The following CELF2 variants were observed in gnomAD, a reference collection of about 807,000 sequenced individuals.
CELF2 encodes the protein CUGBP Elav-like family member 2, also known as CUG triplet repeat RNA-binding protein 2.
Under a neutral mutation model 62.6 loss-of-function variants are expected in CELF2, and 8 were observed. The ratio of observed to expected loss-of-function variants is 0.13; its 90% CI spans 0.07 to 0.23. CELF2 has a LOEUF of 0.23. Among genes scored for constraint, CELF2 ranks in the 10% least tolerant of loss-of-function variants. CELF2 has a pLI of 1.00. For synonymous variants in CELF2, 258 were observed against 250.0 expected (o/e 1.03, Z -0.30); for missense variants, 333 against 671.0 (o/e 0.50, Z 5.56).
At position 11,329,514 on chromosome 10, in the gene CELF2, G is replaced by T. The variant is rs536006422; in HGVS notation, c.*461G>T. ...CCCTCCTTGCCCGGCGCCCGCCCCC[G>T]GAGGGAGGGCCCGGTGCTTAGAGGT... is the stretch of plus-strand genomic sequence containing the variant. On this transcript the variant is annotated 3_prime_UTR_variant, in exon 13 of 13. Transcript: ENST00000633077. This position sits in a 1 kb window ranked among gnomAD's most constrained non-coding sequence, Gnocchi z 5.5. 6.5e-6 allele frequency: 1 copy of T among 152,808 alleles called. No individual in the cohort carries two copies. Among genetic ancestry groups the T allele is most frequent in the Admixed American group, 6.5e-5 (1 of 15,294 alleles). 9.5% of individuals were successfully genotyped at this position (152,808 alleles called of 1,614,324 possible). A position where few individuals can be genotyped will look rare whatever the true frequency, so the allele number is the denominator to read the frequency against.
At chr10:10,553,294 C>T in the CELF2 span, among the ~76,000 whole-genome samples, 1 of 152,086 alleles carries the variant, frequency 6.6e-6, no homozygotes, top group Admixed American at 6.5e-5. Flanking sequence ...GCCACCAAGT[C>T]CCTCCCATGA....
chr10:10,629,987 C>T, the CELF2 span, among the ~76,000 whole-genome samples: 1 of 151,604 alleles, frequency 6.6e-6, no homozygotes, highest in Non-Finnish European at 1.5e-5. Context: ...ATTTGTACCT[C>T]CTATTATTCT....
chr10:11,071,045 A>G (rs1260690987), intron 1 of CELF2, among the ~76,000 whole-genome samples: 2 of 152,228 alleles, frequency 1.3e-5, no homozygotes, highest in Non-Finnish European at 2.9e-5. Flanking sequence ...AGACACAGTA[A>G]TATCAAATGG....
chr10:10,607,908 C>T, the CELF2 span, among the ~76,000 whole-genome samples: 1 of 151,764 alleles, frequency 6.6e-6, no homozygotes, highest in Non-Finnish European at 1.5e-5. Context: ...AGGTGGATCA[C>T]CTGAGGTCAG....
chr10:11,295,030 C>T (rs1457794038), intron 9 of CELF2, among the ~76,000 whole-genome samples: 4 of 152,208 alleles, frequency 2.6e-5, no homozygotes, highest in Admixed American at 6.5e-5. Flanking sequence ...ACTGACCTCC[C>T]GGTCTTTGCT....
chr10:10,471,279 C>T, the CELF2 span, among the ~76,000 whole-genome samples: 4 of 151,478 alleles, frequency 2.6e-5, no homozygotes, highest in Non-Finnish European at 5.9e-5. Flanking sequence ...CATTTTCCTA[C>T]TGTTTGTTTT....
intron 2 of CELF2, among the ~76,000 whole-genome samples, chr10:11,169,553 C>A (rs1004934571): frequency 1.1e-5 from 1 of 87,128 alleles, no homozygotes; most frequent in Non-Finnish European, 2.2e-5. Context: ...ATGGGAAATA[C>A]GTGACATGAA....
chr10:11,052,334 A>G (rs1029712227), intron 1 of CELF2, among the ~76,000 whole-genome samples: 3 of 152,140 alleles, frequency 2.0e-5, no homozygotes, highest in Non-Finnish European at 4.4e-5. Context: ...TTTCAAAGAC[A>G]TTGCCAAAGT....
At chr10:10,679,680 C>A in the CELF2 span, among the ~76,000 whole-genome samples, 10 of 152,172 alleles carry the variant, frequency 6.6e-5, no homozygotes, top group Admixed American at 6.5e-4. Context: ...ATATATCCAT[C>A]TAGTTTCCAC....
chr10:11,032,148 A>AAAAAAAAAAAAAAC (rs2060223858), intron 1 of CELF2, among the ~76,000 whole-genome samples: 1 of 67,266 alleles, frequency 1.5e-5, no homozygotes, highest in African/African-American at 7.3e-5. Context: ...GGCTTAGCCA[A>AAAAAAAAAAAAAAC]AAAAAAAAAA....
At chr10:10,870,397 G>A (rs2060663189) in intron 1 of CELF2, among the ~76,000 whole-genome samples, 1 of 151,906 alleles carries the variant, frequency 6.6e-6, no homozygotes, top group Non-Finnish European at 1.5e-5. Context: ...TTTTTTCCAT[G>A]TTGAAACAAT....
At chr10:10,637,344 G>T in the CELF2 span, among the ~76,000 whole-genome samples, 3 of 152,102 alleles carry the variant, frequency 2.0e-5, no homozygotes, top group African/African-American at 7.2e-5. Context: ...ATTAGAACTA[G>T]AACCTCCATC....
At chr10:11,188,454 T>C (rs1158270788) in intron 2 of CELF2, among the ~76,000 whole-genome samples, 2 of 152,206 alleles carry the variant, frequency 1.3e-5, no homozygotes, top group East Asian at 3.9e-4. Context: ...AGGATTTTCC[T>C]TTTCTTTCAG....
upstream of CELF2, chr10:10,794,794 A>G (rs1238974957): frequency 6.6e-6 from 1 of 152,074 alleles, no homozygotes; most frequent in East Asian, 1.9e-4. Context: ...ACGGATTTTC[A>G]CCTTTGGTGC....
chr10:11,138,694 G>A (rs1231319172), intron 1 of CELF2, among the ~76,000 whole-genome samples: 1 of 152,188 alleles, frequency 6.6e-6, no homozygotes, highest in African/African-American at 2.4e-5. Context: ...TTCAAATCTT[G>A]TTTTCTTTAA....
At chr10:10,572,539 G>A in the CELF2 span, among the ~76,000 whole-genome samples, 1 of 150,782 alleles carries the variant, frequency 6.6e-6, no homozygotes, top group East Asian at 2.0e-4. Flanking sequence ...CCCAATGTGT[G>A]TTGTTCCACT....
chr10:10,941,403 C>T (rs1022439613), intron 2 of CELF2, among the ~76,000 whole-genome samples: 7 of 152,214 alleles, frequency 4.6e-5, no homozygotes, highest in South Asian at 2.1e-4. Flanking sequence ...TCTCGCAGGA[C>T]TCCCAGCTCC....
At chr10:10,574,872 G>GCTTTTTTTTTTTTTTTT in the CELF2 span, among the ~76,000 whole-genome samples, 4 of 105,980 alleles carry the variant, frequency 3.8e-5, 2 homozygotes. Context: ...ACCATGCCTG[G>GCTTTTTTTTTTTTTTTT]TTTTTTTTTT....
intron 1 of CELF2, among the ~76,000 whole-genome samples, chr10:11,158,274 A>G (rs1157021895): frequency 6.6e-6 from 1 of 152,102 alleles, no homozygotes; most frequent in Non-Finnish European, 1.5e-5. Context: ...CTCCTGGAGG[A>G]ATTTCCTGTC....
Sources: allele counts gnomAD v4.1 joint callset (sites outside exome capture counted in the v4.1 genomes callset), GRCh38; gene constraint gnomAD v4.1.1; non-coding constraint Gnocchi (gnomAD v3.1); transcripts MANE v1.5; gene names NCBI Gene and HGNC (gene_info 2026-07-23, HGNC 2026-07-21).